Variants in SLC12A2 observed in about 807,000 individuals in gnomAD.
SLC12A2 encodes the protein Na-K-2Cl cotransporter 1.
SLC12A2 carries 67 observed loss-of-function variants against 136.3 expected under a neutral mutation model. The observed-to-expected ratio is 0.49, with a 90% CI of 0.40 to 0.60. SLC12A2 has a LOEUF of 0.60. Among genes scored for constraint, SLC12A2 ranks in the 20% least tolerant of loss-of-function variants. SLC12A2 has a pLI of 0.00. For synonymous variants in SLC12A2, 619 were observed against 562.9 expected, an observed-to-expected ratio of 1.10 and a Z score of -1.41; for missense variants, 1,322 against 1,534.7, an observed-to-expected ratio of 0.86 and a Z score of 2.32.
At chr5:128,139,267 T>A (rs1374921226) in intron 9 of SLC12A2, among the ~76,000 whole-genome samples, 1 of 150,612 alleles carries the variant, frequency 6.6e-6, no homozygotes, top group African/African-American at 2.5e-5. Flanking sequence ...TTAAGATGGT[T>A]ATTTATTTTT....
At chr5:128,092,286 A>T (rs530658688) in intron 1 of SLC12A2, among the ~76,000 whole-genome samples, 9 of 152,340 alleles carry the variant, frequency 5.9e-5, no homozygotes, top group African/African-American at 2.2e-4. Flanking sequence ...TATCATCTTA[A>T]TGGAACCATT....
chr5:128,111,328 G>A (rs1472315565), intron 1 of SLC12A2, among the ~76,000 whole-genome samples: 4 of 152,058 alleles, frequency 2.6e-5, no homozygotes, highest in Non-Finnish European at 5.9e-5. Context: ...CTTTAAAAAA[G>A]CATATAGCAA....
chr5:128,152,617 AAG>A, intron 14 of SLC12A2, 87 bp from the exon 15 acceptor site: 1 of 824,480 alleles, frequency 1.2e-6, no homozygotes, highest in Non-Finnish European at 2.1e-6. Context: ...TTAAATGTGA[AAG>A]CATGTTTAAT....
chr5:128,102,589 C>G (rs1256866091), intron 1 of SLC12A2, among the ~76,000 whole-genome samples: 4 of 136,060 alleles, frequency 2.9e-5, no homozygotes, highest in African/African-American at 8.1e-5. Flanking sequence ...TTCACCCCCC[C>G]CCCCGCCTTT....
intron 25 of SLC12A2, 139 bp from the exon 26 acceptor site, chr5:128,184,650 A>T (rs1448284747): frequency 6.9e-7 from 1 of 1,450,196 alleles, no homozygotes; most frequent in East Asian, 2.4e-5. Flanking sequence ...GCATTTTTAA[A>T]AAAAATAAAA....
At chr5:128,149,760 T>C (rs571690642) in intron 12 of SLC12A2, among the ~76,000 whole-genome samples, 43 of 151,990 alleles carry the variant, frequency 2.8e-4, no homozygotes, top group Admixed American at 9.2e-4. Context: ...CTGGACAGAA[T>C]ATACCAAGTT....
At chr5:128,104,171 A>C (rs932062188) in intron 1 of SLC12A2, among the ~76,000 whole-genome samples, 1 of 152,182 alleles carries the variant, frequency 6.6e-6, no homozygotes, top group African/African-American at 2.4e-5. Flanking sequence ...TTAAAAGGAG[A>C]TGCTATCTTG....
chr5:128,131,284 T>TGG, intron 5 of SLC12A2, 78 bp downstream of exon 5: 1 of 1,455,282 alleles, frequency 6.9e-7, no homozygotes, highest in African/African-American at 1.4e-5. Context: ...TGTTAGAGGT[T>TGG]GGGAAAGCAG....
chr5:128,090,412 C>T (rs895882817), intron 1 of SLC12A2, among the ~76,000 whole-genome samples: 1 of 152,074 alleles, frequency 6.6e-6, no homozygotes, highest in African/African-American at 2.4e-5. Context: ...AATGATATTT[C>T]ATTATATGTT....
intron 26 of SLC12A2, 49 bp downstream of exon 26, chr5:128,184,905 C>G: frequency 1.4e-6 from 2 of 1,446,272 alleles, no homozygotes; most frequent in Non-Finnish European, 9.7e-7. Flanking sequence ...TGATAATATG[C>G]TTTGAATTAA....
At chr5:128,169,389 T>C (rs954077196) in intron 18 of SLC12A2, 2 of 152,212 alleles carry the variant, frequency 1.3e-5, no homozygotes, top group Non-Finnish European at 2.9e-5. Flanking sequence ...TTTGCCTGTC[T>C]CACATATGAT....
At chr5:128,141,703 A>G in intron 9 of SLC12A2, 127 bp from the exon 10 acceptor site, 1 of 598,730 alleles carries the variant, frequency 1.7e-6, no homozygotes, top group Non-Finnish European at 2.6e-6. Flanking sequence ...AATGCAATGT[A>G]TGCTATTATA....
intron 16 of SLC12A2, among the ~76,000 whole-genome samples, chr5:128,160,946 G>T (rs1763016154): frequency 6.6e-6 from 1 of 151,986 alleles, no homozygotes; most frequent in African/African-American, 2.4e-5. Flanking sequence ...TTTCTAGTTT[G>T]TCTCTGAGCT....
chr5:128,127,479 C>G (rs914036580), intron 4 of SLC12A2, among the ~76,000 whole-genome samples: 2 of 151,642 alleles, frequency 1.3e-5, no homozygotes, highest in African/African-American at 4.8e-5. Flanking sequence ...TTATGCTCAT[C>G]TTATGTGTTT....
intron 21 of SLC12A2, among the ~76,000 whole-genome samples, chr5:128,178,218 A>C (rs1306488374): frequency 1.3e-5 from 2 of 152,328 alleles, no homozygotes; most frequent in East Asian, 3.9e-4. Context: ...TGATTTGTCC[A>C]GTTTGACTAA....
At chr5:128,106,394 A>G (rs1303921793) in intron 1 of SLC12A2, among the ~76,000 whole-genome samples, 2 of 152,156 alleles carry the variant, frequency 1.3e-5, no homozygotes, top group Non-Finnish European at 2.9e-5. Context: ...ACCAAATACC[A>G]TACTTGCTAA....
chr5:128,151,343 T>A lies in SLC12A2; in HGVS notation c.2210T>A (p.Leu737Gln), dbSNP rs376802988. ...GTCATTAACTGGTGGGCTGCATTGC[T>A]AACATATGTGATAGTCCTTGGGCTG... ...MFVINWWAAL[L>Q]TYVIVLGLYI... The change falls in exon 14 of 27, where the codon CTA (leucine) becomes CAA (glutamine). Residue 737 changes from leucine to glutamine, a missense_variant. Coordinates refer to ENST00000262461, the MANE Select transcript of SLC12A2 (RefSeq NM_001046.3). The A allele has an allele frequency of 1.2e-6, 2 of 1,612,340 alleles. No homozygotes were observed. Among genetic ancestry groups the A allele is most frequent in the African/African-American group, 2.7e-5 (2 of 74,842 alleles).
At position 128,131,167 on chromosome 5, in the gene SLC12A2, T is replaced by C. The variant is rs761210347; in HGVS notation, c.1149T>C (p.Tyr383=). 2.5e-6 allele frequency: 4 copies of C among 1,614,176 alleles called. No homozygotes were observed. Among genetic ancestry groups the C allele is most frequent in the South Asian group, 2.2e-5 (2 of 91,080 alleles). The change falls in exon 5 of 27, where the codon TAT becomes TAC. Residue 383 remains tyrosine, a synonymous_variant. Transcript: ENST00000262461. Reference sequence around the variant, plus strand: ...CCAACGCTGTTGCAGTTGCTATGTATGTGGTTGGATTTGCAGAAACCGTGG... The same window carrying C: ...CCAACGCTGTTGCAGTTGCTATGTACGTGGTTGGATTTGCAGAAACCGTGG... ...AFANAVAVAM[Y]VVGFAETVVE...
intron 1 of SLC12A2, among the ~76,000 whole-genome samples, chr5:128,112,300 G>C (rs1267770860): frequency 6.6e-6 from 1 of 152,164 alleles, no homozygotes; most frequent in Non-Finnish European, 1.5e-5. Context: ...TGCAGACAAG[G>C]AATGAGTAAA....
Sources: gnomAD v4.1 joint callset for allele counts (sites outside exome capture counted in the v4.1 genomes callset) on GRCh38, gnomAD v4.1.1 for gene constraint, MANE v1.5 for transcripts, NCBI Gene and HGNC (gene_info 2026-07-23, HGNC 2026-07-21) for gene names.